The following ENOX1 variants were observed in gnomAD, a reference collection of about 807,000 sequenced individuals.
ENOX1 encodes the protein ecto-NOX disulfide-thiol exchanger 1, also known as candidate growth-related and time keeping constitutive hydroquinone (NADH) oxidase.
In ENOX1, 42 loss-of-function variants were observed where a neutral mutation model predicts 82.5. That is an observed-to-expected ratio of 0.51 (90% CI 0.40 to 0.66). ENOX1 has a LOEUF of 0.66. ENOX1 is among the 30% of genes least tolerant of loss of function. The probability of loss-of-function intolerance (pLI) is 0.00; values close to 1 mark genes in which losing one functional copy is unlikely to be tolerated. For missense variants in ENOX1, 608 were observed against 811.6 expected (o/e 0.75, Z 3.05); for synonymous variants, 271 against 282.2 (o/e 0.96, Z 0.40).
intron 15 of ENOX1, among the ~76,000 whole-genome samples, chr13:43,228,473 T>A (rs763670369): frequency 1.1e-4 from 17 of 152,332 alleles, no homozygotes; most frequent in Middle Eastern, 3.4e-3. Context: ...TTTTTGCACA[T>A]CTCAGAATCT....
intron 11 of ENOX1, chr13:43,321,160 TC>T (rs1395682573): frequency 2.2e-6 from 1 of 456,250 alleles, no homozygotes; most frequent in Admixed American, 2.3e-5. Context: ...GCAGTGGTTC[TC>T]AAACTTTGGC....
At chr13:43,599,138 A>G (rs1306989870) in intron 2 of ENOX1, among the ~76,000 whole-genome samples, 1 of 152,140 alleles carries the variant, frequency 6.6e-6, no homozygotes, top group Non-Finnish European at 1.5e-5. Flanking sequence ...AGAACCCTCC[A>G]CCAATCATGC....
At chr13:43,719,302 T>C (rs868280490) in intron 1 of ENOX1, among the ~76,000 whole-genome samples, 1 of 126,682 alleles carries the variant, frequency 7.9e-6, no homozygotes, top group African/African-American at 2.9e-5. Context: ...TTCATTCAAA[T>C]ACACACACAC....
chr13:43,465,820 T>C (rs1364383200), intron 3 of ENOX1, among the ~76,000 whole-genome samples: 4 of 152,234 alleles, frequency 2.6e-5, no homozygotes, highest in African/African-American at 9.6e-5. Flanking sequence ...TCCTAGCTTA[T>C]GGAAATTGTC....
intron 8 of ENOX1, among the ~76,000 whole-genome samples, chr13:43,346,720 G>T (rs1375160231): frequency 6.6e-6 from 1 of 152,118 alleles, no homozygotes; most frequent in Non-Finnish European, 1.5e-5. Flanking sequence ...CCATAATTTA[G>T]CATGATGTTT....
chr13:43,327,394 A>G (rs761650171), intron 9 of ENOX1, among the ~76,000 whole-genome samples: 1 of 152,196 alleles, frequency 6.6e-6, no homozygotes, highest in Non-Finnish European at 1.5e-5. Flanking sequence ...GGACTGGTAA[A>G]TGTTGAGGGG....
chr13:43,325,473 T>C (rs1282210353), intron 10 of ENOX1, among the ~76,000 whole-genome samples: 2 of 152,240 alleles, frequency 1.3e-5, no homozygotes, highest in Non-Finnish European at 2.9e-5. Context: ...CATTAGTTAA[T>C]GGGCACTTAA....
intron 2 of ENOX1, among the ~76,000 whole-genome samples, chr13:43,656,105 C>A (rs1348367568): frequency 3.3e-5 from 5 of 152,146 alleles, no homozygotes; most frequent in Non-Finnish European, 7.3e-5. Flanking sequence ...ACTTATCCAG[C>A]AAGTTTTATT....
In ENOX1 at chr13:43,360,046, G is replaced by T. The variant is rs1317898686; in HGVS notation, c.394C>A (p.Pro132Thr). 6.2e-7 allele frequency: 1 copy of T among 1,614,140 alleles called. No individual in the cohort carries two copies. The highest frequency in any genetic ancestry group is 1.1e-5 in the South Asian group (1 of 91,080). ...LFPQNPNLPP[P>T]STRERPPGCK... ...CCAGGAGGTCGTTCTCTTGTGGAAGGAGGTGGAAGATCTAATAATCACAAC... is the reference window on the plus strand; with the variant it reads ...CCAGGAGGTCGTTCTCTTGTGGAAGTAGGTGGAAGATCTAATAATCACAAC... Residue 132 changes from proline to threonine, a missense_variant, in exon 7 of 17, where the codon CCT becomes ACT. Coordinates refer to ENST00000690772, the MANE Select transcript of ENOX1 (RefSeq NM_001347969.2).
At chr13:43,280,077 GTCA>G (rs2045290782) in intron 12 of ENOX1, among the ~76,000 whole-genome samples, 1 of 152,150 alleles carries the variant, frequency 6.6e-6, no homozygotes, top group African/African-American at 2.4e-5. Context: ...ATGTGAGGTG[GTCA>G]TCACCCATCC....
intron 2 of ENOX1, among the ~76,000 whole-genome samples, chr13:43,653,675 A>G (rs1394785644): frequency 2.6e-5 from 4 of 152,194 alleles, no homozygotes; most frequent in African/African-American, 9.7e-5. Flanking sequence ...ATCCCCTGTG[A>G]CTGTCACATA....
At chr13:43,707,753 A>AAAAAAAAAAAAAAAAAAT (rs1432338186) in intron 1 of ENOX1, among the ~76,000 whole-genome samples, 1 of 148,272 alleles carries the variant, frequency 6.7e-6, no homozygotes, top group East Asian at 1.9e-4. Flanking sequence ...AAAAAAAAAA[A>AAAAAAAAAAAAAAAAAAT]AAACCAAGAA....
In ENOX1 at chr13:43,321,468, C is replaced by T. The variant is rs57127901; in HGVS notation, c.1261+916G>A. Among the ~76,000 whole-genome samples, 994 of 152,300 alleles carry T rather than the reference C, an allele frequency of 6.5e-3. 7 individuals are homozygous for T. The highest frequency in any genetic ancestry group is 0.023 in the African/African-American group (942 of 41,558). On this transcript the variant is annotated intron_variant, in intron 11 of 16. Transcript: ENST00000690772. ...CTACAGCCCTGGAGAAACAGAGCAT[C>T]CTGACCACTTTGCAGTCTTGGTGAC...
At chr13:43,442,357 G>A (rs2153623396) in intron 3 of ENOX1, among the ~76,000 whole-genome samples, 1 of 152,332 alleles carries the variant, frequency 6.6e-6, no homozygotes, top group East Asian at 1.9e-4. Context: ...GCCTGAGAAT[G>A]TGTTAAATAT....
intron 2 of ENOX1, among the ~76,000 whole-genome samples, chr13:43,566,674 T>C (rs1260064697): frequency 2.0e-5 from 3 of 151,932 alleles, no homozygotes; most frequent in Non-Finnish European, 4.4e-5. Flanking sequence ...CTAAGAACTT[T>C]GAGTTATTTG....
intron 5 of ENOX1, among the ~76,000 whole-genome samples, chr13:43,392,426 C>T (rs189120325): frequency 6.6e-6 from 1 of 152,322 alleles, no homozygotes; most frequent in Non-Finnish European, 1.5e-5. Flanking sequence ...CGCCTGTAAT[C>T]CCAGCACTTT....
rs1555290143 is a variant in ENOX1, at chr13:43,470,377, C to CATATATATATGT, written c.-75+13631_-75+13632insACATATATATAT. On this transcript the variant is annotated intron_variant, in intron 3 of 16. Transcript: ENST00000690772. The stretch of plus-strand genomic sequence containing the variant: ...ATGTATATATATACGTATATATATA[C>CATATATATATGT]ATATATATACGTATATATATGTGTA... Among the ~76,000 whole-genome samples the CATATATATATGT allele has an allele frequency of 8.2e-3, 222 of 26,988 alleles. 6 individuals are homozygous for CATATATATATGT. The highest frequency in any genetic ancestry group is 0.027 in the African/African-American group (210 of 7,810). The allele number at this position is 26,988 out of a possible 152,430, so 17.7% of individuals were successfully genotyped here.
At chr13:43,404,068 T>C (rs539333946) in intron 5 of ENOX1, among the ~76,000 whole-genome samples, 3 of 152,282 alleles carry the variant, frequency 2.0e-5, no homozygotes, top group South Asian at 2.1e-4. Flanking sequence ...AGCAGCCTTC[T>C]AGATACAAAC....
At chr13:43,761,440 T>A (rs1326096714) in intron 1 of ENOX1, among the ~76,000 whole-genome samples, 1 of 152,230 alleles carries the variant, frequency 6.6e-6, no homozygotes, top group East Asian at 1.9e-4. Context: ...AGAGCACTTT[T>A]TATACAGAGA....
Sources: allele counts gnomAD v4.1 joint callset (sites outside exome capture counted in the v4.1 genomes callset), GRCh38; gene constraint gnomAD v4.1.1; transcripts MANE v1.5; gene names NCBI Gene and HGNC (gene_info 2026-07-23, HGNC 2026-07-21).